Variants in DLG2 observed in about 807,000 individuals in gnomAD.
DLG2 encodes the protein discs large MAGUK scaffold protein 2, also known as disks large homolog 2.
In DLG2, 45 loss-of-function variants were observed where a neutral mutation model predicts 132.5. The ratio of observed to expected loss-of-function variants is 0.34; its 90% confidence interval spans 0.27 to 0.44. The LOEUF (loss-of-function observed/expected upper bound fraction) is 0.44, where lower values mean the gene tolerates loss of function less well. DLG2 is among the 20% of genes least tolerant of loss of function. DLG2 has a pLI of 1.00. For missense variants in DLG2, 1,045 were observed against 1,196.9 expected, an observed-to-expected ratio of 0.87 and a Z score of 1.87; for synonymous variants, 424 against 419.6, an observed-to-expected ratio of 1.01 and a Z score of -0.13.
intron 6 of DLG2, among the ~76,000 whole-genome samples, chr11:85,083,488 G>A (rs999116602): frequency 6.6e-6 from 1 of 152,138 alleles, no homozygotes; most frequent in African/African-American, 2.4e-5. Flanking sequence ...GCTTCAGGAG[G>A]TCCTGAGAAC....
Position 85,065,537 on chromosome 11 carries a change from CT to C in DLG2, c.357+46123del, listed in dbSNP as rs199773112. On this transcript the variant is annotated intron_variant, in intron 6 of 27. Transcript: ENST00000376104. ...CAGGTTTCACAATCTACATATCCAG[CT>C]TTTTTTAAATTTTAATTTTATTAAA... Among the ~76,000 whole-genome samples the C allele has an allele frequency of 4.7e-4, 71 of 149,610 alleles. 1 individual carries two copies. In the South Asian group the frequency reaches 0.015, roughly 32 times the overall value.
At position 84,402,551 on chromosome 11, in the gene DLG2, C is replaced by CAA. The variant is rs1281154938; in HGVS notation, c.519+132017_519+132018dup. On this transcript the variant is annotated intron_variant, in intron 7 of 27. Coordinates refer to ENST00000376104, the MANE Select transcript of DLG2 (RefSeq NM_001142699.3). Reference sequence around the variant, plus strand: ...TCATTTCATGATTAGTCCTTCATGTCAAAAAAAAAAAATGTAAAAAGGTTG... The same window carrying CAA: ...TCATTTCATGATTAGTCCTTCATGTCAAAAAAAAAAAAAATGTAAAAAGGTTG... Among the ~76,000 whole-genome samples, 10 of 137,270 alleles carry CAA rather than the reference C, an allele frequency of 7.3e-5. 1 individual carries two copies. The highest frequency in any genetic ancestry group is 3.7e-4 in the Admixed American group (5 of 13,694). The allele number at this position is 137,270 out of a possible 152,430, so 90.1% of individuals were successfully genotyped here.
chr11:83,578,616 G>A (rs571077124), intron 19 of DLG2, among the ~76,000 whole-genome samples: 3 of 152,202 alleles, frequency 2.0e-5, no homozygotes, highest in Non-Finnish European at 4.4e-5. Context: ...TGGAATGACT[G>A]CATTAATATA....
At chr11:85,602,821 T>C (rs1160912640) in intron 2 of DLG2, among the ~76,000 whole-genome samples, 1 of 152,202 alleles carries the variant, frequency 6.6e-6, no homozygotes, top group Non-Finnish European at 1.5e-5. Context: ...TATCATGGCC[T>C]CTATACTTGT....
chr11:84,804,543 AC>A (rs2075782880), intron 6 of DLG2, among the ~76,000 whole-genome samples: 1 of 152,226 alleles, frequency 6.6e-6, no homozygotes, highest in Non-Finnish European at 1.5e-5. Flanking sequence ...GACCCAAGGA[AC>A]AACATAGCAG....
chr11:84,668,627 C>T (rs1238257417), intron 6 of DLG2, among the ~76,000 whole-genome samples: 4 of 152,080 alleles, frequency 2.6e-5, no homozygotes, highest in South Asian at 4.1e-4. Context: ...AGAAAAAACA[C>T]AAACACTTTC....
intron 4 of DLG2, among the ~76,000 whole-genome samples, chr11:85,220,178 A>G (rs537539573): frequency 6.6e-6 from 1 of 152,196 alleles, no homozygotes; most frequent in African/African-American, 2.4e-5. Context: ...TCTGCACATG[A>G]TATCAAATTT....
chr11:85,281,888 T>C (rs2078249602), intron 4 of DLG2, among the ~76,000 whole-genome samples: 2 of 151,920 alleles, frequency 1.3e-5, no homozygotes. Flanking sequence ...ATTCAGTATA[T>C]TGAAGAAGTA....
At chr11:84,001,054 A>G (rs2094320280) in intron 11 of DLG2, among the ~76,000 whole-genome samples, 1 of 152,108 alleles carries the variant, frequency 6.6e-6, no homozygotes, top group African/African-American at 2.4e-5. Flanking sequence ...AACAACCAAA[A>G]CACAATTAAC....
chr11:83,716,239 T>C (rs1313576288), intron 18 of DLG2, among the ~76,000 whole-genome samples: 5 of 152,226 alleles, frequency 3.3e-5, no homozygotes, highest in Non-Finnish European at 5.9e-5. Flanking sequence ...GAAAACCACA[T>C]ATCAATAAAT....
intron 3 of DLG2, among the ~76,000 whole-genome samples, chr11:85,395,709 G>A (rs899734593): frequency 8.4e-6 from 1 of 119,008 alleles, no homozygotes; most frequent in African/African-American, 2.8e-5. Context: ...GGGGAGGGGC[G>A]TCTGCCATTG....
intron 6 of DLG2, among the ~76,000 whole-genome samples, chr11:85,023,229 C>G (rs2060229729): frequency 6.6e-6 from 1 of 151,940 alleles, no homozygotes; most frequent in African/African-American, 2.4e-5. Flanking sequence ...AAATAAAAAA[C>G]AGTAACACTG....
chr11:85,568,165 C>T (rs61907153), intron 3 of DLG2, among the ~76,000 whole-genome samples: 1 of 151,868 alleles, frequency 6.6e-6, no homozygotes, highest in Non-Finnish European at 1.5e-5. Context: ...CAGGCATGCA[C>T]CACCATGCCT....
At chr11:85,455,328 T>A (rs1399385364) in intron 3 of DLG2, among the ~76,000 whole-genome samples, 4 of 152,170 alleles carry the variant, frequency 2.6e-5, no homozygotes, top group Non-Finnish European at 1.5e-5. Context: ...TCCACTTAGA[T>A]GTTGTTTGTA....
At chr11:84,571,132 G>GT (rs1398240884) in intron 6 of DLG2, among the ~76,000 whole-genome samples, 1 of 152,078 alleles carries the variant, frequency 6.6e-6, no homozygotes, top group Non-Finnish European at 1.5e-5. Context: ...GAGGTACCCT[G>GT]TTTTTTCATA....
At chr11:84,319,989 A>G (rs1266805165) in intron 7 of DLG2, among the ~76,000 whole-genome samples, 3 of 152,190 alleles carry the variant, frequency 2.0e-5, no homozygotes, top group Admixed American at 6.5e-5. Flanking sequence ...AATATGTTCA[A>G]CTAGCCCTCT....
chr11:84,844,127 GTGTGTGTGTATA>G (rs1231919304), intron 6 of DLG2, among the ~76,000 whole-genome samples: 13 of 25,956 alleles, frequency 5.0e-4, no homozygotes, highest in Admixed American at 7.6e-4. Flanking sequence ...GTGTGTGTGT[GTGTGTGTGTATA>G]TATATATATA....
At chr11:85,311,892 T>C (rs1433544186) in intron 3 of DLG2, among the ~76,000 whole-genome samples, 2 of 152,046 alleles carry the variant, frequency 1.3e-5, no homozygotes, top group Non-Finnish European at 2.9e-5. Context: ...GGCTCTATAG[T>C]ATAAAGTATG....
chr11:85,032,383 C>T (rs1223415164), intron 6 of DLG2, among the ~76,000 whole-genome samples: 9 of 152,104 alleles, frequency 5.9e-5, no homozygotes, highest in Admixed American at 5.2e-4. Context: ...GTGTCCTATC[C>T]TCCAAATTAT....
Sources: gnomAD v4.1 joint callset for allele counts (sites outside exome capture counted in the v4.1 genomes callset) on GRCh38, gnomAD v4.1.1 for gene constraint, MANE v1.5 for transcripts, NCBI Gene and HGNC (gene_info 2026-07-23, HGNC 2026-07-21) for gene names.